ERBB4: variants seen among roughly 807,000 people sequenced by gnomAD.
ERBB4 encodes erb-b2 receptor tyrosine kinase 4.
ERBB4 carries 42 observed loss-of-function variants against 158.0 expected under a neutral mutation model. The observed-to-expected ratio is 0.27, with a 90% CI of 0.21 to 0.34. The LOEUF (loss-of-function observed/expected upper bound fraction) is 0.34, where lower values mean the gene tolerates loss of function less well. ERBB4 is among the 10% of genes least tolerant of loss of function. The pLI, the probability that ERBB4 is intolerant of heterozygous loss-of-function variation, is 1.00. For missense variants in ERBB4, 1,333 were observed against 1,624.1 expected (o/e 0.82, Z 3.08); for synonymous variants, 583 against 558.7 (o/e 1.04, Z -0.61).
chr2:211,718,903 G>A (rs1225487341), intron 7 of ERBB4, among the ~76,000 whole-genome samples: 1 of 152,128 alleles, frequency 6.6e-6, no homozygotes, highest in Non-Finnish European at 1.5e-5. Context: ...AAAAGGTTAC[G>A]ATACACTGTT....
At chr2:212,143,298 G>A (rs895790237) in intron 1 of ERBB4, among the ~76,000 whole-genome samples, 20 of 152,010 alleles carry the variant, frequency 1.3e-4, no homozygotes, top group Non-Finnish European at 2.4e-4. Flanking sequence ...TACTGTCAGT[G>A]TATTATAATA....
At chr2:211,479,526 C>A (rs1574570915) in intron 20 of ERBB4, among the ~76,000 whole-genome samples, 1 of 152,128 alleles carries the variant, frequency 6.6e-6, no homozygotes, top group Non-Finnish European at 1.5e-5. Context: ...TATAGATCCA[C>A]AGCACAAAGC....
intron 2 of ERBB4, among the ~76,000 whole-genome samples, chr2:212,113,439 T>C (rs972420376): frequency 1.3e-5 from 2 of 150,828 alleles, no homozygotes; most frequent in African/African-American, 4.9e-5. Context: ...CTGGGTGTGG[T>C]GGTGGATGCC....
At chr2:211,672,228 T>G (rs1338179196) in intron 14 of ERBB4, among the ~76,000 whole-genome samples, 1 of 152,150 alleles carries the variant, frequency 6.6e-6, no homozygotes, top group East Asian at 1.9e-4. Context: ...TTCAATGAAA[T>G]TGTACAGAGC....
intron 20 of ERBB4, among the ~76,000 whole-genome samples, chr2:211,547,277 G>GA (rs988637540): frequency 6.6e-6 from 1 of 151,772 alleles, no homozygotes; most frequent in Non-Finnish European, 1.5e-5. Flanking sequence ...GCTATCTGGA[G>GA]AAAAAAAATT....
Position 212,350,778 on chromosome 2 carries a change from G to A in ERBB4, c.82+187671C>T, listed in dbSNP as rs549703637. On this transcript the variant is annotated intron_variant, in intron 1 of 27. Coordinates refer to ENST00000342788, the MANE Select transcript of ERBB4 (RefSeq NM_005235.3). ...GCATATTAAGTAAACTATAAATAAG[G>A]TGACAAATTCAAAATAAAGACTGTA... 3.0e-4 allele frequency among the ~76,000 whole-genome samples: 44 copies of A among 148,352 alleles called. No homozygotes were observed. The South Asian group carries it at 8.3e-3, about 28-fold the overall frequency.
intron 25 of ERBB4, among the ~76,000 whole-genome samples, chr2:211,419,142 C>CAAACCTACAG (rs201075321): frequency 0.013 from 2,018 of 152,138 alleles, 38 homozygotes; most frequent in African/African-American, 0.044. Context: ...AACTTTGAAG[C>CAAACCTACAG]AAACCTACAG....
At chr2:211,752,916 C>T (rs1460347259) in intron 4 of ERBB4, among the ~76,000 whole-genome samples, 2 of 152,134 alleles carry the variant, frequency 1.3e-5, no homozygotes, top group African/African-American at 4.8e-5. Context: ...TTTCAAAATT[C>T]TATTATGACA....
intron 12 of ERBB4, among the ~76,000 whole-genome samples, chr2:211,682,749 G>A (rs1038934238): frequency 6.6e-6 from 1 of 151,820 alleles, no homozygotes; most frequent in African/African-American, 2.4e-5. Flanking sequence ...TACTTTTAAT[G>A]TACTTGTGCT....
chr2:212,340,706 A>G (rs932589698), intron 1 of ERBB4, among the ~76,000 whole-genome samples: 1 of 152,172 alleles, frequency 6.6e-6, no homozygotes, highest in African/African-American at 2.4e-5. Context: ...CTGGCTGTAA[A>G]TACAGATGAA....
intron 2 of ERBB4, among the ~76,000 whole-genome samples, chr2:212,010,080 T>C (rs984223041): frequency 2.6e-5 from 4 of 152,162 alleles, no homozygotes; most frequent in Admixed American, 2.0e-4. Flanking sequence ...CCCAACATGT[T>C]TTTCCAGCCT....
Position 211,448,409 on chromosome 2 carries a change from TTA to T in ERBB4, c.2488-17311_2488-17310del, listed in dbSNP as rs570165845. 4.0e-3 allele frequency among the ~76,000 whole-genome samples: 611 copies of T among 152,024 alleles called. 5 individuals carry two copies. The highest frequency in any genetic ancestry group is 0.014 in the African/African-American group (576 of 41,466). On this transcript the variant is annotated intron_variant, in intron 20 of 27. Coordinates refer to ENST00000342788, the MANE Select transcript of ERBB4 (RefSeq NM_005235.3). ...TTGAGCAAGGTGTTTGAACAGCCAT[TTA>T]TGATTTTTTAAAGATGACAAGGAAA...
chr2:211,679,319 T>C (rs901218306), intron 12 of ERBB4, 135 bp from the exon 13 acceptor site: 2 of 904,948 alleles, frequency 2.2e-6, no homozygotes, highest in East Asian at 2.7e-5. Context: ...GCCTATCCCA[T>C]CGTCATGTCC....
At chr2:211,876,514 T>A (rs1220145846) in intron 3 of ERBB4, among the ~76,000 whole-genome samples, 1 of 152,202 alleles carries the variant, frequency 6.6e-6, no homozygotes. Context: ...TTTTCCCTCA[T>A]GAATGTGTTG....
intron 2 of ERBB4, among the ~76,000 whole-genome samples, chr2:212,030,559 A>C (rs2076879532): frequency 6.6e-6 from 1 of 152,110 alleles, no homozygotes; most frequent in African/African-American, 2.4e-5. Flanking sequence ...TCTTTCCAAG[A>C]AACAAGGGTA....
At position 211,479,363 on chromosome 2, in the gene ERBB4, T is replaced by G. The variant is rs145260327; in HGVS notation, c.2488-48263A>C. ...CCTCCAGTCCAAAACCATCAAGACATTTTTTTCTTCTGAATGCCTATAGTG... is the reference window on the plus strand; with the variant it reads ...CCTCCAGTCCAAAACCATCAAGACAGTTTTTTCTTCTGAATGCCTATAGTG... On this transcript the variant is annotated intron_variant, in intron 20 of 27. Transcript: ENST00000342788. Among the ~76,000 whole-genome samples, 112 of 152,274 alleles carry G rather than the reference T, an allele frequency of 7.4e-4. 1 individual carries two copies. Among genetic ancestry groups the G allele is most frequent in the African/African-American group, 2.5e-3 (102 of 41,546 alleles).
chr2:212,449,601 T>C (rs1183170452), intron 1 of ERBB4, among the ~76,000 whole-genome samples: 1 of 152,162 alleles, frequency 6.6e-6, no homozygotes, highest in Non-Finnish European at 1.5e-5. Flanking sequence ...TCACAATTTT[T>C]ATTATTGCTT....
chr2:211,957,982 T>C (rs1011679907), intron 2 of ERBB4, among the ~76,000 whole-genome samples: 2 of 152,116 alleles, frequency 1.3e-5, no homozygotes, highest in African/African-American at 4.8e-5. Context: ...GGAAATACCC[T>C]TTGAGGATGC....
At chr2:211,961,505 T>C (rs921078119) in intron 2 of ERBB4, among the ~76,000 whole-genome samples, 25 of 152,258 alleles carry the variant, frequency 1.6e-4, no homozygotes, top group Admixed American at 1.4e-3. Context: ...TGCTGTGCCA[T>C]TGAGTCTTGT....
Sources: gnomAD v4.1 joint callset for allele counts (sites outside exome capture counted in the v4.1 genomes callset) on GRCh38, gnomAD v4.1.1 for gene constraint, MANE v1.5 for transcripts, NCBI Gene and HGNC (gene_info 2026-07-23, HGNC 2026-07-21) for gene names.